The following PCDHGB1 variants were observed in gnomAD, a reference collection of about 807,000 sequenced individuals.
The protein encoded by PCDHGB1 is protocadherin gamma subfamily B, 1.
PCDHGB1 carries 34 observed loss-of-function variants against 56.6 expected under a neutral mutation model. The observed-to-expected ratio is 0.60, with a 90% CI of 0.46 to 0.80. The LOEUF is 0.80. Among genes scored for constraint, PCDHGB1 ranks in the 30% least tolerant of loss-of-function variants. The pLI, the probability that PCDHGB1 is intolerant of heterozygous loss-of-function variation, is 0.00. For missense variants in PCDHGB1, 1,278 were observed against 1,204.6 expected, an observed-to-expected ratio of 1.06 and a Z score of -0.90; for synonymous variants, 561 against 505.9, an observed-to-expected ratio of 1.11 and a Z score of -1.46.
intron 1 of PCDHGB1, chr5:141,418,292 T>A: frequency 6.2e-7 from 1 of 1,613,988 alleles, no homozygotes. Context: ...AATCAGTGAA[T>A]CCGTCAGCCT....
Position 141,486,772 on chromosome 5 carries a change from T to A in PCDHGB1, c.2410-8035T>A. ...ATGAGCAAACCCAGACACTGCAGTT[T>A]GAGGTGCAGGCCCGGGATCGGGGCA... is the stretch of plus-strand genomic sequence containing the variant. On this transcript the variant is annotated intron_variant, in intron 1 of 3. Coordinates refer to ENST00000523390, the MANE Select transcript of PCDHGB1 (RefSeq NM_018922.3). The surrounding 1 kb of genome is among the most constrained non-coding windows in gnomAD (Gnocchi z 5.0). 1 of 1,614,246 alleles carries A rather than the reference T, an allele frequency of 6.2e-7. No homozygotes were observed. Among genetic ancestry groups the A allele is most frequent in the South Asian group, 1.1e-5 (1 of 91,088 alleles).
chr5:141,432,659 G>A lies in PCDHGB1; in HGVS notation c.2410-62148G>A. On this transcript the variant is annotated intron_variant, in intron 1 of 3. Coordinates refer to ENST00000523390, the MANE Select transcript of PCDHGB1 (RefSeq NM_018922.3). This position sits in a 1 kb window ranked among gnomAD's most constrained non-coding sequence, Gnocchi z 6.0. ...GGTGCGCACGGCGCGAGCCCTGCTG[G>A]ACAGAGACGCGCTCAAGCAGAGCCT... 1 of 1,613,884 alleles carries A rather than the reference G, an allele frequency of 6.2e-7. No homozygotes were observed. The highest frequency in any genetic ancestry group is 8.5e-7 in the Non-Finnish European group (1 of 1,179,956).
chr5:141,481,352 C>T (rs1007066307), intron 1 of PCDHGB1, among the ~76,000 whole-genome samples: 3 of 152,222 alleles, frequency 2.0e-5, no homozygotes, highest in East Asian at 1.9e-4. Flanking sequence ...TAAACATCTA[C>T]AGCTGTTCAA....
chr5:141,366,185 GT>G (rs1375353655), intron 1 of PCDHGB1: 1 of 1,613,892 alleles, frequency 6.2e-7, no homozygotes, highest in East Asian at 2.2e-5. Context: ...ACTCTTTGCG[GT>G]TGGGCTGCAC....
intron 1 of PCDHGB1, chr5:141,361,816 C>T (rs770591894): frequency 1.9e-6 from 3 of 1,613,084 alleles, no homozygotes; most frequent in Admixed American, 3.3e-5. Flanking sequence ...CAATGCGCCA[C>T]GGGTGCTGTA....
At chr5:141,360,171 G>A (rs749092806) in intron 1 of PCDHGB1, 13 of 1,608,392 alleles carry the variant, frequency 8.1e-6, no homozygotes, top group African/African-American at 1.3e-5. Flanking sequence ...GGCTGGTGCG[G>A]TGGCTGCAGG....
At chr5:141,362,329 A>G (rs1463168776) in intron 1 of PCDHGB1, 5 of 1,613,930 alleles carry the variant, frequency 3.1e-6, no homozygotes, top group Non-Finnish European at 4.2e-6. Flanking sequence ...GCCTGGTCTC[A>G]GCTCCAAGCC....
At chr5:141,371,390 A>G in intron 1 of PCDHGB1, 1 of 1,614,000 alleles carries the variant, frequency 6.2e-7, no homozygotes, top group East Asian at 2.2e-5. Flanking sequence ...CATATTGTAA[A>G]GTACAGATAG....
chr5:141,492,257 A>G (rs955890030), intron 1 of PCDHGB1, among the ~76,000 whole-genome samples: 1 of 152,126 alleles, frequency 6.6e-6, no homozygotes, highest in Non-Finnish European at 1.5e-5. Flanking sequence ...GGCCCACACA[A>G]GTTGCACGGG....
chr5:141,426,909 G>A (rs1293364217), intron 1 of PCDHGB1: 1 of 456,744 alleles, frequency 2.2e-6, no homozygotes, highest in Non-Finnish European at 4.4e-6. Flanking sequence ...TCATCTCCTG[G>A]TCCTGGAAGC....
intron 1 of PCDHGB1, chr5:141,409,463 A>G (rs751200597): frequency 1.2e-6 from 2 of 1,613,744 alleles, no homozygotes; most frequent in Non-Finnish European, 1.7e-6. Context: ...ATACAATGTC[A>G]CCATCGTAGC....
At position 141,486,370 on chromosome 5, in the gene PCDHGB1, T is replaced by C. The variant is rs755925357; in HGVS notation, c.2410-8437T>C. Reference sequence around the variant, plus strand: ...ACCACTTGCCATTTGCCCTCAAGTCTGCCTTCAGGAACCAGTTCTCCCTGG... The same window carrying C: ...ACCACTTGCCATTTGCCCTCAAGTCCGCCTTCAGGAACCAGTTCTCCCTGG... On this transcript the variant is annotated intron_variant, in intron 1 of 3. Coordinates refer to ENST00000523390, the MANE Select transcript of PCDHGB1 (RefSeq NM_018922.3). The surrounding 1 kb of genome is among the most constrained non-coding windows in gnomAD (Gnocchi z 5.0). 8 of 1,613,988 alleles carry C rather than the reference T, an allele frequency of 5.0e-6. No individual in the cohort carries two copies. The Admixed American group carries it at 1.3e-4, about 27-fold the overall frequency.
At chr5:141,419,689 G>T in intron 1 of PCDHGB1, 1 of 1,613,000 alleles carries the variant, frequency 6.2e-7, no homozygotes, top group African/African-American at 1.3e-5. Context: ...ACGTGGTGCA[G>T]GCCAGTGAGC....
chr5:141,366,872 A>C (rs1764836796), intron 1 of PCDHGB1: 2 of 1,396,140 alleles, frequency 1.4e-6, no homozygotes, highest in Admixed American at 2.4e-5. Flanking sequence ...GCTGTATTGG[A>C]GATTAATTTT....
chr5:141,472,308 G>A (rs897967832), intron 1 of PCDHGB1, among the ~76,000 whole-genome samples: 6 of 152,074 alleles, frequency 3.9e-5, no homozygotes, highest in South Asian at 4.1e-4. Context: ...TTGGGAAGCC[G>A]AGGCAGGCAG....
intron 2 of PCDHGB1, among the ~76,000 whole-genome samples, chr5:141,502,107 C>T (rs1292131951): frequency 6.6e-6 from 1 of 152,192 alleles, no homozygotes; most frequent in East Asian, 1.9e-4. Context: ...TGACCCTGCA[C>T]CCTCAGCCAG....
chr5:141,463,653 G>A (rs1378583183), intron 1 of PCDHGB1, among the ~76,000 whole-genome samples: 2 of 151,764 alleles, frequency 1.3e-5, no homozygotes, highest in Admixed American at 6.6e-5. Context: ...GGGTTTCACC[G>A]TGTTAGCCAG....
chr5:141,404,586 A>G, intron 1 of PCDHGB1: 1 of 1,614,008 alleles, frequency 6.2e-7, no homozygotes, highest in Non-Finnish European at 8.5e-7. Context: ...CTTAGCAGCA[A>G]TGTGTCATTG....
rs1433790348 is a variant in PCDHGB1, at chr5:141,431,831, G to A, written c.2410-62976G>A. The A allele has an allele frequency of 1.2e-6, 2 of 1,614,110 alleles. No homozygotes were observed. The highest frequency in any genetic ancestry group is 1.7e-6 in the Non-Finnish European group (2 of 1,180,040). On this transcript the variant is annotated intron_variant, in intron 1 of 3. Transcript: ENST00000523390. The surrounding 1 kb of genome is among the most constrained non-coding windows in gnomAD (Gnocchi z 4.8). Reference sequence around the variant, plus strand: ...CACCTCTCTCGCCAGCTCGGTTCCCGAAAACTCTCCCAGAGGGACATTAAT... The same window carrying A: ...CACCTCTCTCGCCAGCTCGGTTCCCAAAAACTCTCCCAGAGGGACATTAAT...
Sources: allele counts gnomAD v4.1 joint callset (sites outside exome capture counted in the v4.1 genomes callset), GRCh38; gene constraint gnomAD v4.1.1; non-coding constraint Gnocchi (gnomAD v3.1); transcripts MANE v1.5; gene names NCBI Gene and HGNC (gene_info 2026-07-23, HGNC 2026-07-21).